CADPS: variants seen among roughly 807,000 people sequenced by gnomAD.
CADPS encodes calcium dependent secretion activator, also known as calcium-dependent secretion activator 1.
In CADPS, 57 loss-of-function variants were observed where a neutral mutation model predicts 167.3. That is an observed-to-expected ratio of 0.34 (90% confidence interval 0.28 to 0.42). The LOEUF is 0.42. Ranked by LOEUF, CADPS falls within the 20% of genes least tolerant of loss-of-function variation. The probability of loss-of-function intolerance (pLI) is 1.00; values close to 1 mark genes in which losing one functional copy is unlikely to be tolerated. For missense variants in CADPS, 1,414 were observed against 1,738.1 expected (o/e 0.81, Z 3.32); for synonymous variants, 676 against 635.3 (o/e 1.06, Z -0.96).
At chr3:62,709,376 C>T (rs1360356221) in intron 3 of CADPS, among the ~76,000 whole-genome samples, 1 of 152,100 alleles carries the variant, frequency 6.6e-6, no homozygotes, top group African/African-American at 2.4e-5. Flanking sequence ...ATCTCCACTC[C>T]CTGATTTTAT....
At chr3:62,416,259 C>A (rs940439312) in intron 28 of CADPS, among the ~76,000 whole-genome samples, 1 of 152,170 alleles carries the variant, frequency 6.6e-6, no homozygotes, top group Non-Finnish European at 1.5e-5. Context: ...AGTAATCCTA[C>A]CTGCTTGCTT....
At chr3:62,798,561 C>A (rs2093586951) in intron 1 of CADPS, among the ~76,000 whole-genome samples, 2 of 152,026 alleles carry the variant, frequency 1.3e-5, no homozygotes, top group Non-Finnish European at 2.9e-5. Context: ...GTCAATAATC[C>A]TTAATAAACT....
chr3:62,747,757 G>T (rs2081793960), intron 3 of CADPS, among the ~76,000 whole-genome samples: 1 of 152,232 alleles, frequency 6.6e-6, no homozygotes. Context: ...GAGAATAAAT[G>T]AACAGATTAT....
intron 10 of CADPS, among the ~76,000 whole-genome samples, chr3:62,554,475 T>C (rs2077792701): frequency 6.6e-6 from 1 of 152,084 alleles, no homozygotes; most frequent in Admixed American, 6.5e-5. Context: ...ACCAGGTGGA[T>C]CCACTGACAA....
intron 6 of CADPS, among the ~76,000 whole-genome samples, chr3:62,617,934 C>G (rs1311640921): frequency 2.6e-5 from 4 of 152,112 alleles, no homozygotes; most frequent in African/African-American, 9.7e-5. Flanking sequence ...CATTCAAATT[C>G]TTCTTTGGGA....
At chr3:62,622,770 T>G (rs1395676234) in intron 6 of CADPS, among the ~76,000 whole-genome samples, 2 of 152,124 alleles carry the variant, frequency 1.3e-5, no homozygotes, top group African/African-American at 4.8e-5. Flanking sequence ...AGCCACTAGA[T>G]GGCAATCCCA....
chr3:62,737,285 C>A (rs753391059), intron 3 of CADPS, among the ~76,000 whole-genome samples: 19 of 151,856 alleles, frequency 1.3e-4, no homozygotes, highest in Middle Eastern at 6.8e-3. Context: ...CCACTGTCTA[C>A]AAAAATTAAA....
chr3:62,526,212 C>A (rs2072171395), intron 13 of CADPS, among the ~76,000 whole-genome samples: 2 of 152,108 alleles, frequency 1.3e-5, no homozygotes, highest in Non-Finnish European at 2.9e-5. Context: ...ATGGGCAGCA[C>A]CTTGGCTCCA....
chr3:62,737,282 C>G (rs2079171471), intron 3 of CADPS, among the ~76,000 whole-genome samples: 1 of 151,764 alleles, frequency 6.6e-6, no homozygotes, highest in South Asian at 2.1e-4. Context: ...CATCCACTGT[C>G]TACAAAAATT....
chr3:62,440,877 C>A (rs1021595706), intron 27 of CADPS: 2 of 152,302 alleles, frequency 1.3e-5, no homozygotes, highest in Non-Finnish European at 2.9e-5. Context: ...AGGGGCAAGC[C>A]TCCCCTATAT....
At chr3:62,473,524 A>G (rs2060878838) in intron 24 of CADPS, among the ~76,000 whole-genome samples, 1 of 152,200 alleles carries the variant, frequency 6.6e-6, no homozygotes, top group African/African-American at 2.4e-5. Context: ...GCCATCAGAG[A>G]AAAATGATCA....
At chr3:62,692,797 A>G (rs1278560157) in intron 3 of CADPS, among the ~76,000 whole-genome samples, 1 of 152,064 alleles carries the variant, frequency 6.6e-6, no homozygotes, top group African/African-American at 2.4e-5. Context: ...GTGCTTTTAA[A>G]TTAGGATCAG....
intron 28 of CADPS, among the ~76,000 whole-genome samples, chr3:62,437,389 G>A (rs2055337953): frequency 7.0e-6 from 1 of 142,710 alleles, no homozygotes; most frequent in African/African-American, 2.6e-5. Context: ...GCTTTGCTGT[G>A]CAGATGCAGT....
At chr3:62,827,930 T>C (rs1303956645) in intron 1 of CADPS, among the ~76,000 whole-genome samples, 1 of 152,170 alleles carries the variant, frequency 6.6e-6, no homozygotes, top group East Asian at 1.9e-4. Flanking sequence ...CATGATCCTA[T>C]AAACTCAGTA....
chr3:62,740,106 G>A (rs1459766983), intron 3 of CADPS, among the ~76,000 whole-genome samples: 2 of 152,232 alleles, frequency 1.3e-5, no homozygotes, highest in Non-Finnish European at 2.9e-5. Context: ...CATGGCTGTA[G>A]GTTTTAGACT....
chr3:62,599,653 TA>T (rs1223573489), intron 6 of CADPS, among the ~76,000 whole-genome samples: 1 of 58,824 alleles, frequency 1.7e-5, no homozygotes, highest in Non-Finnish European at 2.9e-5. Flanking sequence ...ATATAATATA[TA>T]ATATAATATA....
chr3:62,565,120 A>G (rs1227685848), intron 9 of CADPS, among the ~76,000 whole-genome samples: 3 of 152,140 alleles, frequency 2.0e-5, no homozygotes, highest in African/African-American at 7.2e-5. Flanking sequence ...AGTTACTAAC[A>G]GTAGTAATCA....
intron 2 of CADPS, among the ~76,000 whole-genome samples, chr3:62,762,828 C>A (rs993991364): frequency 1.3e-5 from 2 of 152,044 alleles, no homozygotes; most frequent in African/African-American, 4.8e-5. Flanking sequence ...CAAAACAAGA[C>A]CGATATCTAA....
chr3:62,461,967 A>G (rs945155731), intron 26 of CADPS, among the ~76,000 whole-genome samples: 2 of 152,234 alleles, frequency 1.3e-5, no homozygotes, highest in African/African-American at 4.8e-5. Flanking sequence ...TAAATGAATG[A>G]ATGAATTCCA....
Sources: gnomAD v4.1 joint callset for allele counts (sites outside exome capture counted in the v4.1 genomes callset) on GRCh38, gnomAD v4.1.1 for gene constraint, MANE v1.5 for transcripts, NCBI Gene and HGNC (gene_info 2026-07-23, HGNC 2026-07-21) for gene names.